ODAD2: variants seen among roughly 807,000 people sequenced by gnomAD.
ODAD2 encodes the protein outer dynein arm docking complex subunit 2.
A neutral mutation model predicts 106.8 loss-of-function variants in ODAD2; 89 were observed. The ratio of observed to expected loss-of-function variants is 0.83; its 90% CI spans 0.70 to 0.99. The LOEUF (loss-of-function observed/expected upper bound fraction) is 0.99, where lower values mean the gene tolerates loss of function less well. ODAD2 is among the 50% of genes least tolerant of loss of function. ODAD2 has a pLI of 0.00. For missense variants in ODAD2, 1,168 were observed against 1,238.5 expected (o/e 0.94, Z 0.85); for synonymous variants, 404 against 436.2 (o/e 0.93, Z 0.92).
intron 19 of ODAD2, among the ~76,000 whole-genome samples, chr10:27,827,184 T>G (rs1328804106): frequency 6.6e-6 from 1 of 152,070 alleles, no homozygotes; most frequent in Non-Finnish European, 1.5e-5. Context: ...TAATTGCTTC[T>G]TTCCAGGAAT....
At chr10:27,880,006 G>A (rs1841595485) in intron 17 of ODAD2, among the ~76,000 whole-genome samples, 1 of 152,212 alleles carries the variant, frequency 6.6e-6, no homozygotes, top group South Asian at 2.1e-4. Flanking sequence ...CAAGAGCAGA[G>A]TGTAGCGGAA....
chr10:27,852,338 A>G lies in ODAD2; in HGVS notation c.3021+8287T>C, dbSNP rs1023629787. 1.1e-4 allele frequency among the ~76,000 whole-genome samples: 17 copies of G among 152,234 alleles called. 1 individual carries two copies. Among genetic ancestry groups the G allele is most frequent in the Admixed American group, 1.0e-3 (16 of 15,286 alleles). On this transcript the variant is annotated intron_variant, in intron 19 of 19. Coordinates refer to ENST00000305242, the MANE Select transcript of ODAD2 (RefSeq NM_018076.5). ...ACAATTGTTTACAGTCAAAAACAAG[A>G]ACAATACAGTTGAGCTTATAACACT...
chr10:27,966,477 T>C (rs1848496046), intron 9 of ODAD2, among the ~76,000 whole-genome samples: 3 of 152,228 alleles, frequency 2.0e-5, no homozygotes, highest in Non-Finnish European at 2.9e-5. Flanking sequence ...AGCTGTCTTT[T>C]TTTTTCCAAT....
At chr10:27,987,829 T>C (rs1697797623) in intron 2 of ODAD2, among the ~76,000 whole-genome samples, 1 of 151,838 alleles carries the variant, frequency 6.6e-6, no homozygotes, top group Non-Finnish European at 1.5e-5. Context: ...ATAGTCACAG[T>C]TTTTGTTTTT....
At chr10:27,954,955 T>C (rs1414187933) in intron 10 of ODAD2, among the ~76,000 whole-genome samples, 1 of 152,196 alleles carries the variant, frequency 6.6e-6, no homozygotes, top group Admixed American at 6.5e-5. Flanking sequence ...AGGCTGTTTT[T>C]AGCTGATGGA....
intron 17 of ODAD2, among the ~76,000 whole-genome samples, chr10:27,887,087 A>G (rs554917844): frequency 7.4e-4 from 113 of 152,148 alleles, no homozygotes; most frequent in African/African-American, 2.6e-3. Context: ...GATTTTAAAA[A>G]AACAATTCTA....
chr10:27,893,049 C>G (rs1842659565), intron 17 of ODAD2, among the ~76,000 whole-genome samples: 1 of 151,978 alleles, frequency 6.6e-6, no homozygotes, highest in Non-Finnish European at 1.5e-5. Context: ...ATCCCAGCTA[C>G]TCGGGAGGCT....
At chr10:27,998,675 C>T (rs1166707148) in intron 1 of ODAD2, among the ~76,000 whole-genome samples, 1 of 151,790 alleles carries the variant, frequency 6.6e-6, no homozygotes, top group Non-Finnish European at 1.5e-5. Flanking sequence ...TCTTGGTCCC[C>T]GGGAGGGAAA....
At position 27,995,178 on chromosome 10, in the gene ODAD2, G is replaced by A. The variant is rs766779793; in HGVS notation, c.-36C>T. The A allele has an allele frequency of 4.3e-6, 7 of 1,609,418 alleles. No individual in the cohort carries two copies. Among genetic ancestry groups the A allele is most frequent in the Middle Eastern group, 1.7e-4 (1 of 6,044 alleles). On this transcript the variant is annotated splice_region_variant and 5_prime_UTR_variant, in exon 2 of 20. Transcript: ENST00000305242. ...GTGCTCAGACCTGAGCTTAGCACAC[G>A]CACTACATCAGAGCAGAAAGAGAAA...
At chr10:27,857,786 G>A (rs1044959163) in intron 19 of ODAD2, among the ~76,000 whole-genome samples, 2 of 152,128 alleles carry the variant, frequency 1.3e-5, no homozygotes, top group Non-Finnish European at 2.9e-5. Context: ...GCTAATCCTA[G>A]GATCAATTAC....
chr10:27,921,476 C>T (rs1211656452), intron 16 of ODAD2, among the ~76,000 whole-genome samples: 1 of 150,674 alleles, frequency 6.6e-6, no homozygotes, highest in African/African-American at 2.4e-5. Context: ...TATAAAAGAA[C>T]AGTAGAGACT....
intron 16 of ODAD2, among the ~76,000 whole-genome samples, chr10:27,928,819 A>C (rs78953108): frequency 0.061 from 9,322 of 152,220 alleles, 371 homozygotes; most frequent in East Asian, 0.18. Flanking sequence ...ATTTACACAC[A>C]GCACTTATTA....
At chr10:27,889,545 T>C (rs530523324) in intron 17 of ODAD2, among the ~76,000 whole-genome samples, 1 of 152,192 alleles carries the variant, frequency 6.6e-6, no homozygotes, top group Admixed American at 6.5e-5. Context: ...CTTAGTCTTA[T>C]GATCTCATGG....
intron 10 of ODAD2, among the ~76,000 whole-genome samples, chr10:27,951,106 A>C (rs1245911124): frequency 6.6e-6 from 1 of 152,224 alleles, no homozygotes; most frequent in African/African-American, 2.4e-5. Context: ...ATATTACTAA[A>C]TTATGTAAAA....
chr10:27,847,236 G>A (rs1838845011), intron 19 of ODAD2, among the ~76,000 whole-genome samples: 1 of 152,078 alleles, frequency 6.6e-6, no homozygotes, highest in Non-Finnish European at 1.5e-5. Flanking sequence ...TGATCAAGTG[G>A]GCTTCATCAC....
Position 27,936,796 on chromosome 10 carries a change from T to C in ODAD2, c.2182A>G (p.Asn728Asp). ...PLASLLNNTD[N>D]KERLAAVTGA... is the part of the protein sequence containing the mutation. ...GTGACAGCAGCTAACCGCTCTTTAT[T>C]GTCAGTGTTATTGAGTAGACTGGCC... Residue 728 changes from asparagine to aspartate, a missense_variant, in exon 15 of 20, where the codon AAT becomes GAT. Coordinates refer to ENST00000305242, the MANE Select transcript of ODAD2 (RefSeq NM_018076.5). 1.2e-6 allele frequency: 2 copies of C among 1,614,064 alleles called. No homozygotes were observed. Among genetic ancestry groups the C allele is most frequent in the Non-Finnish European group, 1.7e-6 (2 of 1,179,950 alleles).
chr10:27,958,896 A>T, intron 10 of ODAD2: 1 of 1,303,892 alleles, frequency 7.7e-7, no homozygotes, highest in Non-Finnish European at 1.0e-6. Context: ...AACGTCAAAG[A>T]TCATGCTTCT....
chr10:27,899,969 G>T (rs1049408016), intron 17 of ODAD2, among the ~76,000 whole-genome samples: 1 of 152,120 alleles, frequency 6.6e-6, no homozygotes, highest in Non-Finnish European at 1.5e-5. Context: ...CTCTGCTAAG[G>T]GACAGACTGC....
chr10:27,851,199 G>A (rs1045857975), intron 19 of ODAD2, among the ~76,000 whole-genome samples: 1 of 152,016 alleles, frequency 6.6e-6, no homozygotes, highest in African/African-American at 2.4e-5. Context: ...TAATGCACAG[G>A]GTATCAGGTA....
Sources: gnomAD v4.1 joint callset for allele counts (sites outside exome capture counted in the v4.1 genomes callset) on GRCh38, gnomAD v4.1.1 for gene constraint, MANE v1.5 for transcripts, NCBI Gene and HGNC (gene_info 2026-07-23, HGNC 2026-07-21) for gene names.